The following SPIRE1 variants were observed in gnomAD, a reference collection of about 807,000 sequenced individuals.
The protein encoded by SPIRE1 is spire type actin nucleation factor 1.
Under a neutral mutation model 94.1 loss-of-function variants are expected in SPIRE1, and 40 were observed. That is an observed-to-expected ratio of 0.43 (90% CI 0.33 to 0.55). The LOEUF (loss-of-function observed/expected upper bound fraction) is 0.55. SPIRE1 is among the 20% of genes least tolerant of loss of function. The pLI, the probability that SPIRE1 is intolerant of heterozygous loss-of-function variation, is 0.06. For missense variants in SPIRE1, 838 were observed against 975.2 expected (o/e 0.86, Z 1.87); for synonymous variants, 376 against 371.7 (o/e 1.01, Z -0.13).
chr18:12,644,406 T>C (rs1447105676), intron 1 of SPIRE1, among the ~76,000 whole-genome samples: 3 of 152,166 alleles, frequency 2.0e-5, no homozygotes, highest in Non-Finnish European at 4.4e-5. Context: ...CATTGTTTTA[T>C]TATTTACATA....
intron 2 of SPIRE1, among the ~76,000 whole-genome samples, chr18:12,605,898 C>T (rs73407546): frequency 0.031 from 4,647 of 152,224 alleles, 177 homozygotes; most frequent in African/African-American, 0.072. Flanking sequence ...TGGCCTCCCT[C>T]GTTCACCGCC....
Position 12,464,944 on chromosome 18 carries a change from G to C in SPIRE1, c.1419C>G (p.His473Gln). 1 of 1,614,030 alleles carries C rather than the reference G, an allele frequency of 6.2e-7. No individual in the cohort carries two copies. The highest frequency in any genetic ancestry group is 8.5e-7 in the Non-Finnish European group (1 of 1,179,990). Residue 473 changes from histidine to glutamine, a missense_variant, in exon 11 of 17, where the codon CAC becomes CAG. Around this residue, in one of 2 missense-constraint regions of SPIRE1, gnomAD observed 645 missense variants for 804.7 expected, o/e 0.80. Coordinates refer to ENST00000409402, the MANE Select transcript of SPIRE1 (RefSeq NM_001128626.2). ...ACACGCTGCTGCTGCTGGTCGACTT[G>C]TGCAGCGTTTCTTCCTGAGCAAAGT... ...DSSESEEETL[H>Q]KSTSSSSVSP...
At chr18:12,463,076 T>G (rs576395374) in intron 12 of SPIRE1, among the ~76,000 whole-genome samples, 1 of 152,106 alleles carries the variant, frequency 6.6e-6, no homozygotes. Flanking sequence ...TATTATTATT[T>G]TTTTTTGCAG....
upstream of SPIRE1, among the ~76,000 whole-genome samples, chr18:12,659,603 G>A (rs1164332750): frequency 1.3e-5 from 2 of 152,090 alleles, no homozygotes; most frequent in East Asian, 1.9e-4. Flanking sequence ...CTGGGAGGTG[G>A]AAGTTGCAAT....
Position 12,461,893 on chromosome 18 carries a change from A to G in SPIRE1, c.1638+1458T>C, listed in dbSNP as rs556029361. On this transcript the variant is annotated intron_variant, in intron 12 of 16. Transcript: ENST00000409402. ...GGCGATTCTCCTCCTTTGGCCTCCC[A>G]AAGTGCTGGGATTACAGGTGTGAGC... Among the ~76,000 whole-genome samples the G allele has an allele frequency of 1.1e-4, 16 of 152,294 alleles. No homozygotes were observed. The East Asian group carries it at 3.1e-3, about 29-fold the overall frequency.
chr18:12,583,358 C>T (rs928600706), intron 2 of SPIRE1, among the ~76,000 whole-genome samples: 3 of 152,180 alleles, frequency 2.0e-5, no homozygotes, highest in Admixed American at 1.3e-4. Context: ...AATCCCAGCA[C>T]TTTGGGAGGC....
At chr18:12,554,315 A>T (rs2035439558) in intron 2 of SPIRE1, among the ~76,000 whole-genome samples, 1 of 151,548 alleles carries the variant, frequency 6.6e-6, no homozygotes, top group African/African-American at 2.4e-5. Context: ...AAAAAAAAAA[A>T]AGAACTGATA....
At chr18:12,535,439 A>C in intron 4 of SPIRE1, 37 bp downstream of exon 4, 1 of 1,580,396 alleles carries the variant, frequency 6.3e-7, no homozygotes, top group Non-Finnish European at 8.6e-7. Flanking sequence ...CATGCCAATC[A>C]AACAATGCCA....
At chr18:12,463,935 A>G (rs529338305) in intron 11 of SPIRE1, among the ~76,000 whole-genome samples, 2 of 152,220 alleles carry the variant, frequency 1.3e-5, no homozygotes, top group Non-Finnish European at 2.9e-5. Flanking sequence ...CTGCCTAGTA[A>G]TATTTTAAGA....
chr18:12,574,092 G>C (rs1228386178), intron 2 of SPIRE1, among the ~76,000 whole-genome samples: 1 of 152,100 alleles, frequency 6.6e-6, no homozygotes, highest in Non-Finnish European at 1.5e-5. Context: ...TGTACTACAT[G>C]AACAACATTG....
chr18:12,552,887 C>T (rs1198516075), intron 2 of SPIRE1, among the ~76,000 whole-genome samples: 4 of 152,070 alleles, frequency 2.6e-5, no homozygotes, highest in South Asian at 2.1e-4. Context: ...GTTTTGTCTG[C>T]GGCTCTTCCT....
intron 2 of SPIRE1, among the ~76,000 whole-genome samples, chr18:12,570,252 C>T (rs2035929285): frequency 6.6e-6 from 1 of 152,208 alleles, no homozygotes; most frequent in African/African-American, 2.4e-5. Flanking sequence ...CTTTGCTCTC[C>T]ATGCAGTATG....
intron 2 of SPIRE1, among the ~76,000 whole-genome samples, chr18:12,615,345 A>AAAAAAAAAAAAAATATAT: frequency 1.0e-3 from 18 of 17,236 alleles, no homozygotes; most frequent in Non-Finnish European, 1.9e-3. Flanking sequence ...AAAAAAAAAA[A>AAAAAAAAAAAAAATATAT]ATATATATAT....
At chr18:12,604,455 CTG>C (rs1375598703) in intron 2 of SPIRE1, among the ~76,000 whole-genome samples, 2 of 152,108 alleles carry the variant, frequency 1.3e-5, no homozygotes, top group African/African-American at 2.4e-5. Context: ...GAGATAAAAA[CTG>C]TTTTTTTCCA....
intron 2 of SPIRE1, among the ~76,000 whole-genome samples, chr18:12,612,577 G>C (rs2037173301): frequency 6.6e-6 from 1 of 152,186 alleles, no homozygotes; most frequent in Non-Finnish European, 1.5e-5. Context: ...CTGAGGGTTT[G>C]TTATCTCTGA....
intron 10 of SPIRE1, among the ~76,000 whole-genome samples, chr18:12,478,886 T>C (rs1304625400): frequency 6.6e-6 from 1 of 152,058 alleles, no homozygotes; most frequent in Non-Finnish European, 1.5e-5. Flanking sequence ...AGGTGGATGA[T>C]GAAATCTGGA....
chr18:12,626,063 A>G (rs576386767), intron 2 of SPIRE1, among the ~76,000 whole-genome samples: 1 of 147,742 alleles, frequency 6.8e-6, no homozygotes, highest in Non-Finnish European at 1.5e-5. Flanking sequence ...AAAAAAGGAA[A>G]TACAAATCTA....
At chr18:12,580,526 G>C (rs1403886781) in intron 2 of SPIRE1, among the ~76,000 whole-genome samples, 1 of 152,088 alleles carries the variant, frequency 6.6e-6, no homozygotes, top group East Asian at 1.9e-4. Context: ...GTTTCACCAT[G>C]TTGGCCAGGC....
intron 2 of SPIRE1, among the ~76,000 whole-genome samples, chr18:12,616,987 G>A (rs1730435499): frequency 6.6e-6 from 1 of 150,646 alleles, no homozygotes; most frequent in South Asian, 2.1e-4. Flanking sequence ...AGCCTCCCAA[G>A]TAGCTGGGAT....
Sources: allele counts gnomAD v4.1 joint callset (sites outside exome capture counted in the v4.1 genomes callset), GRCh38; gene constraint gnomAD v4.1.1; regional missense constraint gnomAD v4.1.1; transcripts MANE v1.5; gene names NCBI Gene and HGNC (gene_info 2026-07-23, HGNC 2026-07-21).